The following EIF4E1B variants were observed in gnomAD, a reference collection of about 807,000 sequenced individuals.
EIF4E1B encodes eukaryotic translation initiation factor 4E family member 1B.
In EIF4E1B, 22 loss-of-function variants were observed where a neutral mutation model predicts 31.3. That is an observed-to-expected ratio of 0.70 (90% CI 0.50 to 1.00). EIF4E1B has a LOEUF of 1.00. Ranked by LOEUF, EIF4E1B falls within the 50% of genes least tolerant of loss-of-function variation. EIF4E1B has a pLI of 0.00. For synonymous variants in EIF4E1B, 126 were observed against 120.2 expected, an observed-to-expected ratio of 1.05 and a Z score of -0.31; for missense variants, 290 against 311.6, an observed-to-expected ratio of 0.93 and a Z score of 0.52.
At chr5:176,635,449 G>A (rs1386987360) in intron 1 of EIF4E1B, among the ~76,000 whole-genome samples, 1 of 152,204 alleles carries the variant, frequency 6.6e-6, no homozygotes, top group African/African-American at 2.4e-5. Flanking sequence ...TACAAGTGGT[G>A]GTGAGCATTC....
At chr5:176,633,609 C>G (rs2113437105) in intron 1 of EIF4E1B, among the ~76,000 whole-genome samples, 1 of 152,192 alleles carries the variant, frequency 6.6e-6, no homozygotes, top group Admixed American at 6.6e-5. Context: ...TGTACCTGGC[C>G]CATGAGCTGC....
intron 5 of EIF4E1B, 97 bp from the exon 6 acceptor site, chr5:176,644,279 C>T: frequency 7.8e-7 from 1 of 1,279,724 alleles, no homozygotes; most frequent in East Asian, 2.6e-5. Flanking sequence ...GGCTTGGAGG[C>T]CATGGGGTCG....
At chr5:176,643,440 G>A (rs1257736115) in intron 4 of EIF4E1B, among the ~76,000 whole-genome samples, 174 bp downstream of exon 4, 1 of 152,224 alleles carries the variant, frequency 6.6e-6, no homozygotes, top group Non-Finnish European at 1.5e-5. Flanking sequence ...ACCCCGCAGA[G>A]ACTGTGGGTC....
At chr5:176,644,839 A>G (rs933327555) in intron 6 of EIF4E1B, among the ~76,000 whole-genome samples, 1 of 152,216 alleles carries the variant, frequency 6.6e-6, no homozygotes, top group Non-Finnish European at 1.5e-5. Context: ...CCTTGCCTGC[A>G]TTGGGGTCTG....
chr5:176,645,356 A>C lies in EIF4E1B; in HGVS notation c.475-21A>C. ...CCTATGTCCCAGCCGGTGATCTCAC[A>C]ACCCCCTACTTCGGGTCCAGCTGCT... On this transcript the variant is annotated intron_variant, in intron 7 of 8. Coordinates refer to ENST00000318682, the MANE Select transcript of EIF4E1B (RefSeq NM_001099408.2). This position sits in a 1 kb window ranked among gnomAD's most constrained non-coding sequence, Gnocchi z 5.4. 1 of 1,541,312 alleles carries C rather than the reference A, an allele frequency of 6.5e-7. No individual in the cohort carries two copies.
chr5:176,635,092 G>T (rs1760472865), intron 1 of EIF4E1B, among the ~76,000 whole-genome samples: 1 of 152,112 alleles, frequency 6.6e-6, no homozygotes, highest in African/African-American at 2.4e-5. Flanking sequence ...GTCCGGGGGT[G>T]CACGGAGAGT....
Position 176,643,127 on chromosome 5 carries a change from AAGG to A in EIF4E1B, c.71_73del (p.Glu24del), listed in dbSNP as rs1561910561. The A allele has an allele frequency of 2.5e-6, 4 of 1,613,452 alleles. No homozygotes were observed. The highest frequency in any genetic ancestry group is 2.2e-5 in the East Asian group (1 of 44,858). On this transcript the variant is annotated inframe_deletion, in exon 4 of 9. Transcript: ENST00000318682. ...AATCCGAGAGTGGGAGGAGGAGGAG[AAGG>A]AGGAGGAGGCAGCAGAGAGGACGCC...
chr5:176,643,897 A>T, intron 5 of EIF4E1B, 163 bp downstream of exon 5: 1 of 677,132 alleles, frequency 1.5e-6, no homozygotes, highest in South Asian at 2.0e-5. Flanking sequence ...CCCCCACCCC[A>T]CCACCTTCTT....
At position 176,645,578 on chromosome 5, in the gene EIF4E1B, AG is replaced by A; in HGVS notation, c.614+67del. ...TCTCTGCTAGAGGGAAGGTGGGTGGAGGGGGCTTGGCCTGCATGGGAGACCT... is the reference window on the plus strand; with the variant it reads ...TCTCTGCTAGAGGGAAGGTGGGTGGAGGGGCTTGGCCTGCATGGGAGACCT... On this transcript the variant is annotated intron_variant, in intron 8 of 8. Transcript: ENST00000318682. The surrounding 1 kb of genome is among the most constrained non-coding windows in gnomAD (Gnocchi z 5.4). The A allele has an allele frequency of 1.4e-6, 2 of 1,473,316 alleles. No homozygotes were observed. Among genetic ancestry groups the A allele is most frequent in the Non-Finnish European group, 1.8e-6 (2 of 1,112,872 alleles). The allele number at this position is 1,473,316 out of a possible 1,614,324, so 91.3% of individuals were successfully genotyped here.
At chr5:176,643,382 G>A (rs1760628837) in intron 4 of EIF4E1B, 116 bp downstream of exon 4, 14 of 1,315,856 alleles carry the variant, frequency 1.1e-5, no homozygotes, top group Non-Finnish European at 1.2e-5. Context: ...ATCCGTGGGA[G>A]GCCAGGGCTG....
intron 1 of EIF4E1B, among the ~76,000 whole-genome samples, chr5:176,632,070 A>C (rs920843141): frequency 1.1e-4 from 17 of 152,126 alleles, no homozygotes; most frequent in African/African-American, 4.1e-4. Flanking sequence ...CCAAACTGGA[A>C]TGTGTGGAAT....
chr5:176,644,431 C>T lies in EIF4E1B; in HGVS notation c.352C>T (p.Leu118Phe), dbSNP rs756611934. 1 of 1,595,566 alleles carries T rather than the reference C, an allele frequency of 6.3e-7. No individual in the cohort carries two copies. The highest frequency in any genetic ancestry group is 1.3e-5 in the African/African-American group (1 of 74,550). ...SKLSSGCDYALFKDGIQPMWE... is the reference protein window; with the variant it reads ...SKLSSGCDYAFFKDGIQPMWE... The stretch of plus-strand genomic sequence containing the variant: ...GCTCTCCTCTGGCTGTGACTACGCC[C>T]TCTTCAAGGTAAGCTCTGCTCTCCT... The change falls in exon 6 of 9, where the codon CTC becomes TTC. Residue 118 changes from leucine to phenylalanine, a missense_variant. Transcript: ENST00000318682.
rs796367994 is a variant in EIF4E1B, at chr5:176,643,929, G to A, written c.296+195G>A. 1.6e-5 allele frequency: 10 copies of A among 615,494 alleles called. No individual in the cohort carries two copies. In the African/African-American group the frequency reaches 1.7e-4, roughly 10 times the overall value. The allele number at this position is 615,494 out of a possible 1,614,324, so 38.1% of individuals were successfully genotyped here. A position where few individuals can be genotyped will look rare whatever the true frequency, so the allele number is the denominator to read the frequency against. Reference sequence around the variant, plus strand: ...TCTTTGGGCTCAGGGAGAGAGCCTGGGGAGCAGGAGAAGCAGGAAGCTGAC... The same window carrying A: ...TCTTTGGGCTCAGGGAGAGAGCCTGAGGAGCAGGAGAAGCAGGAAGCTGAC... On this transcript the variant is annotated intron_variant, in intron 5 of 8. Coordinates refer to ENST00000318682, the MANE Select transcript of EIF4E1B (RefSeq NM_001099408.2).
At chr5:176,644,305 G>A (rs1441100274) in intron 5 of EIF4E1B, 71 bp from the exon 6 acceptor site, 3 of 1,495,668 alleles carry the variant, frequency 2.0e-6, no homozygotes, top group South Asian at 2.5e-5. Flanking sequence ...GGAGTTGGGA[G>A]GGCTGAACCC....
chr5:176,632,664 G>T (rs1189514890), intron 1 of EIF4E1B, among the ~76,000 whole-genome samples: 1 of 152,210 alleles, frequency 6.6e-6, no homozygotes, highest in Non-Finnish European at 1.5e-5. Context: ...CTTCCTTACT[G>T]GTGCTGTTTG....
chr5:176,643,986 T>C (rs1417815613), intron 5 of EIF4E1B: 5 of 571,250 alleles, frequency 8.8e-6, no homozygotes, highest in Non-Finnish European at 1.5e-5. Context: ...CTTTGTGACC[T>C]GGGCAAGTTC....
intron 5 of EIF4E1B, chr5:176,644,136 G>A (rs1162151109): frequency 5.2e-6 from 3 of 577,506 alleles, no homozygotes; most frequent in African/African-American, 1.9e-5. Flanking sequence ...CTGGAGGGGG[G>A]AGCACCAGGG....
At chr5:176,635,309 C>T (rs187077004) in intron 1 of EIF4E1B, among the ~76,000 whole-genome samples, 70 of 152,010 alleles carry the variant, frequency 4.6e-4, no homozygotes, top group African/African-American at 1.6e-3. Flanking sequence ...GGAGAGTCTG[C>T]GATGGATGGG....
chr5:176,642,863 C>CG lies in EIF4E1B; in HGVS notation c.15+61_15+62insG, dbSNP rs1554151082. On this transcript the variant is annotated intron_variant, in intron 3 of 8. Coordinates refer to ENST00000318682, the MANE Select transcript of EIF4E1B (RefSeq NM_001099408.2). ...TGGCCCCGCCCTCTCCCCCCCCCCC[C>CG]CCGCCCCAGGTGGGCGGGGCAGGTG... The CG allele has an allele frequency of 3.3e-4, 423 of 1,263,754 alleles. 6 individuals are homozygous for CG. The highest frequency in any genetic ancestry group is 6.7e-4 in the East Asian group (19 of 28,230). 78.3% of individuals were successfully genotyped at this position (1,263,754 alleles called of 1,614,324 possible).
Sources: gnomAD v4.1 joint callset for allele counts (sites outside exome capture counted in the v4.1 genomes callset) on GRCh38, gnomAD v4.1.1 for gene constraint, Gnocchi (gnomAD v3.1) non-coding constraint, MANE v1.5 for transcripts, NCBI Gene and HGNC (gene_info 2026-07-23, HGNC 2026-07-21) for gene names.